ERBB4: variants seen among roughly 807,000 people sequenced by gnomAD.
ERBB4 encodes receptor tyrosine-protein kinase erbB-4.
In ERBB4, 42 loss-of-function variants were observed where a neutral mutation model predicts 158.0. The ratio of observed to expected loss-of-function variants is 0.27; its 90% CI spans 0.21 to 0.34. ERBB4 has a LOEUF of 0.34. Ranked by LOEUF, ERBB4 falls within the 10% of genes least tolerant of loss-of-function variation. ERBB4 has a pLI of 1.00. For synonymous variants in ERBB4, 583 were observed against 558.7 expected, an observed-to-expected ratio of 1.04 and a Z score of -0.61; for missense variants, 1,333 against 1,624.1, an observed-to-expected ratio of 0.82 and a Z score of 3.08.
At chr2:211,726,057 A>C (rs2074254698) in intron 5 of ERBB4, among the ~76,000 whole-genome samples, 1 of 152,168 alleles carries the variant, frequency 6.6e-6, no homozygotes, top group South Asian at 2.1e-4. Context: ...CTTATTCCAA[A>C]AATATTTTTA....
intron 20 of ERBB4, among the ~76,000 whole-genome samples, chr2:211,505,959 C>CAAAAAAAAAAAA (rs529052924): frequency 2.1e-5 from 2 of 94,722 alleles, no homozygotes; most frequent in East Asian, 3.3e-4. Context: ...GACTCCATCT[C>CAAAAAAAAAAAA]AAAAAAAAAA....
At chr2:212,121,145 A>G (rs1438907232) in intron 2 of ERBB4, among the ~76,000 whole-genome samples, 3 of 152,250 alleles carry the variant, frequency 2.0e-5, no homozygotes, top group Admixed American at 2.0e-4. Context: ...CTCTGCTTTC[A>G]GGGCCCAGTA....
At chr2:211,931,048 G>A (rs376738193) in intron 3 of ERBB4, among the ~76,000 whole-genome samples, 49 of 152,172 alleles carry the variant, frequency 3.2e-4, no homozygotes, top group Middle Eastern at 3.4e-3. Context: ...CAATGAATAG[G>A]ATTTTCTTGG....
intron 20 of ERBB4, among the ~76,000 whole-genome samples, chr2:211,462,840 T>A (rs2064572334): frequency 6.6e-6 from 1 of 152,222 alleles, no homozygotes; most frequent in Non-Finnish European, 1.5e-5. Flanking sequence ...TATACTAGAG[T>A]TCAAAATCAA....
rs1409312692 is a variant in ERBB4, at chr2:211,712,855, G to T, written c.998-679C>A. ...GAGAGAGAGAAAACATCATCTAAAA[G>T]TAAGTGTGGAGTTTGTCCTTTTCTA... On this transcript the variant is annotated intron_variant, in intron 8 of 27. Transcript: ENST00000342788. Among the ~76,000 whole-genome samples the T allele has an allele frequency of 2.0e-5, 3 of 151,972 alleles. No homozygotes were observed. In the South Asian group the frequency reaches 6.2e-4, roughly 32 times the overall value.
At chr2:211,735,797 A>G (rs2074579261) in intron 5 of ERBB4, among the ~76,000 whole-genome samples, 1 of 152,072 alleles carries the variant, frequency 6.6e-6, no homozygotes, top group Non-Finnish European at 1.5e-5. Context: ...CATTTTGAGT[A>G]TATACAGAAG....
At chr2:211,752,268 GA>G (rs2075154301) in intron 4 of ERBB4, among the ~76,000 whole-genome samples, 1 of 152,078 alleles carries the variant, frequency 6.6e-6, no homozygotes, top group African/African-American at 2.4e-5. Flanking sequence ...AGGAAGCAGT[GA>G]AAACTTTTTG....
At chr2:212,195,755 T>A (rs2082408735) in intron 1 of ERBB4, among the ~76,000 whole-genome samples, 2 of 152,104 alleles carry the variant, frequency 1.3e-5, no homozygotes, top group African/African-American at 4.8e-5. Context: ...AAAAGCATAT[T>A]TCAAAGAACT....
chr2:212,201,591 T>C (rs1176277533), intron 1 of ERBB4, among the ~76,000 whole-genome samples: 2 of 152,220 alleles, frequency 1.3e-5, no homozygotes. Flanking sequence ...AATATAGCTA[T>C]GTCAAAATAT....
intron 1 of ERBB4, among the ~76,000 whole-genome samples, chr2:212,496,994 A>T (rs1458394509): frequency 6.6e-6 from 1 of 152,078 alleles, no homozygotes; most frequent in Non-Finnish European, 1.5e-5. Context: ...AGCCTGGCCA[A>T]CATGGTGAAA....
intron 2 of ERBB4, chr2:212,124,434 GAT>G: frequency 2.8e-6 from 1 of 352,034 alleles, no homozygotes; most frequent in South Asian, 2.9e-5. Context: ...ATTGTTATCT[GAT>G]TGGTCCTCTG....
intron 1 of ERBB4, among the ~76,000 whole-genome samples, chr2:212,165,886 T>G (rs568405794): frequency 6.6e-6 from 1 of 152,102 alleles, no homozygotes; most frequent in Non-Finnish European, 1.5e-5. Flanking sequence ...TCTTCTATTA[T>G]TTTAAACTAA....
intron 25 of ERBB4, among the ~76,000 whole-genome samples, chr2:211,390,832 T>G (rs183451680): frequency 6.6e-6 from 1 of 152,326 alleles, no homozygotes. Flanking sequence ...TTTTCAGCAT[T>G]AAAATGGAAA....
intron 18 of ERBB4, among the ~76,000 whole-genome samples, chr2:211,619,753 A>G (rs1393188712): frequency 6.6e-6 from 1 of 152,136 alleles, no homozygotes; most frequent in Non-Finnish European, 1.5e-5. Flanking sequence ...TTAAAAAAGC[A>G]TATTCTCATG....
intron 2 of ERBB4, among the ~76,000 whole-genome samples, chr2:212,036,797 T>C (rs2077025088): frequency 6.6e-6 from 1 of 152,094 alleles, no homozygotes; most frequent in Admixed American, 6.5e-5. Context: ...GTATATTCCA[T>C]GCAAGTTTAG....
Position 212,441,027 on chromosome 2 carries a change from A to G in ERBB4, c.82+97422T>C, listed in dbSNP as rs116229493. Among the ~76,000 whole-genome samples, 1,481 of 152,292 alleles carry G rather than the reference A, an allele frequency of 9.7e-3. 24 individuals are homozygous for G. The highest frequency in any genetic ancestry group is 0.034 in the African/African-American group (1,420 of 41,560). On this transcript the variant is annotated intron_variant, in intron 1 of 27. Coordinates refer to ENST00000342788, the MANE Select transcript of ERBB4 (RefSeq NM_005235.3). ...ATTGTGGAAAAATAGACATGCTATC[A>G]TGTGAGTGGCTGATCTGCAACGAAA...
intron 20 of ERBB4, among the ~76,000 whole-genome samples, chr2:211,534,111 T>A (rs2125669428): frequency 6.6e-6 from 1 of 152,264 alleles, no homozygotes; most frequent in East Asian, 1.9e-4. Flanking sequence ...CAGTTTTAAA[T>A]CCTTCTCAGA....
intron 4 of ERBB4, among the ~76,000 whole-genome samples, chr2:211,761,478 A>G (rs2106241282): frequency 6.6e-6 from 1 of 152,234 alleles, no homozygotes; most frequent in East Asian, 1.9e-4. Flanking sequence ...TTTTTTGGAA[A>G]AAGCGTCCTT....
chr2:212,255,261 T>C (rs983334146), intron 1 of ERBB4, among the ~76,000 whole-genome samples: 1 of 152,134 alleles, frequency 6.6e-6, no homozygotes, highest in Non-Finnish European at 1.5e-5. Context: ...ATTTGAAAAA[T>C]ATATGTGTGT....
Sources: allele counts gnomAD v4.1 joint callset (sites outside exome capture counted in the v4.1 genomes callset), GRCh38; gene constraint gnomAD v4.1.1; transcripts MANE v1.5; gene names NCBI Gene and HGNC (gene_info 2026-07-23, HGNC 2026-07-21).